CADPS: variants seen among roughly 807,000 people sequenced by gnomAD.
CADPS encodes the protein calcium dependent secretion activator.
A neutral mutation model predicts 167.3 loss-of-function variants in CADPS; 57 were observed. The observed-to-expected ratio is 0.34, with a 90% CI of 0.28 to 0.42. The LOEUF (loss-of-function observed/expected upper bound fraction) is 0.42. Among genes scored for constraint, CADPS ranks in the 20% least tolerant of loss-of-function variants. The probability of loss-of-function intolerance (pLI) is 1.00; values close to 1 mark genes in which losing one functional copy is unlikely to be tolerated. For missense variants in CADPS, 1,414 were observed against 1,738.1 expected (o/e 0.81, Z 3.32); for synonymous variants, 676 against 635.3 (o/e 1.06, Z -0.96).
At chr3:62,523,438 T>C (rs543741133) in intron 13 of CADPS, among the ~76,000 whole-genome samples, 48 of 152,316 alleles carry the variant, frequency 3.2e-4, no homozygotes, top group Non-Finnish European at 5.6e-4. Flanking sequence ...TTTACCTCTT[T>C]AGTGTTGTTA....
rs911721774 is a variant in CADPS at position 62,446,331 on chromosome 3, C to T, written c.3637-534G>A. Among the ~76,000 whole-genome samples the T allele has an allele frequency of 3.3e-5, 5 of 152,126 alleles. No individual in the cohort carries two copies. The highest frequency in any genetic ancestry group is 9.7e-5 in the African/African-American group (4 of 41,432). On this transcript the variant is annotated intron_variant, in intron 26 of 29. Coordinates refer to ENST00000383710, the MANE Select transcript of CADPS (RefSeq NM_003716.4). This position sits in a 1 kb window ranked among gnomAD's most constrained non-coding sequence, Gnocchi z 4.9. ...CCTTTCAAAACTGCCCAAAGGCTGC[C>T]GTTATGTCTCCTGCTTTTACGTGCT...
chr3:62,634,542 G>A (rs951853966), intron 6 of CADPS, among the ~76,000 whole-genome samples: 3 of 152,254 alleles, frequency 2.0e-5, no homozygotes, highest in Middle Eastern at 3.4e-3. Context: ...TGCATTGCTT[G>A]TATTACAGAC....
At chr3:62,810,335 A>C (rs1210678584) in intron 1 of CADPS, among the ~76,000 whole-genome samples, 2 of 152,194 alleles carry the variant, frequency 1.3e-5, no homozygotes, top group Non-Finnish European at 2.9e-5. Flanking sequence ...ATAATCACCC[A>C]ATATAACTAC....
At chr3:62,752,691 C>T (rs1224220340) in intron 3 of CADPS, among the ~76,000 whole-genome samples, 1 of 152,182 alleles carries the variant, frequency 6.6e-6, no homozygotes, top group Non-Finnish European at 1.5e-5. Flanking sequence ...CTGGGCCATG[C>T]TCTGAGGCTG....
intron 1 of CADPS, among the ~76,000 whole-genome samples, chr3:62,771,478 A>G (rs1168995059): frequency 1.3e-5 from 2 of 152,220 alleles, no homozygotes; most frequent in Non-Finnish European, 2.9e-5. Context: ...TAACTGACTT[A>G]TATAGGATTG....
Position 62,433,068 on chromosome 3 carries a change from C to T in CADPS, c.3777+5036G>A, listed in dbSNP as rs774013096. On this transcript the variant is annotated intron_variant, in intron 28 of 29. Coordinates refer to ENST00000383710, the MANE Select transcript of CADPS (RefSeq NM_003716.4). The surrounding 1 kb of genome is among the most constrained non-coding windows in gnomAD (Gnocchi z 4.7). Reference sequence around the variant, plus strand: ...CCTTACAGATATAGCGTCATGTCCTCCTTGTAGCCTATTATTTGGTACTTT... The same window carrying T: ...CCTTACAGATATAGCGTCATGTCCTTCTTGTAGCCTATTATTTGGTACTTT... Among the ~76,000 whole-genome samples the T allele has an allele frequency of 3.0e-4, 46 of 152,124 alleles. No homozygotes were observed. Among genetic ancestry groups the T allele is most frequent in the Non-Finnish European group, 4.0e-4 (27 of 68,030 alleles).
rs1031676351 is a variant in CADPS at position 62,399,700 on chromosome 3, T to C, written c.3883-115A>G. 6 of 754,468 alleles carry C rather than the reference T, an allele frequency of 8.0e-6. No homozygotes were observed. The highest frequency in any genetic ancestry group is 5.2e-5 in the African/African-American group (3 of 57,648). 46.7% of individuals were successfully genotyped at this position (754,468 alleles called of 1,614,324 possible). The stretch of plus-strand genomic sequence containing the variant: ...TGACCTTCAGCTAAATATCACACTT[T>C]ATGCATTGTCAAATAAAAAGCCACT... On this transcript the variant is annotated intron_variant, in intron 29 of 29. Coordinates refer to ENST00000383710, the MANE Select transcript of CADPS (RefSeq NM_003716.4). This position sits in a 1 kb window ranked among gnomAD's most constrained non-coding sequence, Gnocchi z 5.6.
intron 6 of CADPS, among the ~76,000 whole-genome samples, chr3:62,599,598 T>C (rs2148990057): frequency 1.2e-5 from 1 of 81,296 alleles, no homozygotes; most frequent in South Asian, 3.3e-4. Flanking sequence ...AAATATATTA[T>C]ATATTTATTA....
intron 27 of CADPS, 46 bp downstream of exon 27, chr3:62,445,719 A>AAC: frequency 7.3e-7 from 1 of 1,377,238 alleles, no homozygotes; most frequent in Non-Finnish European, 9.9e-7. Flanking sequence ...AATGAAAAAA[A>AAC]AAAAAAACAA....
chr3:62,656,874 G>C (rs879285719), intron 4 of CADPS, among the ~76,000 whole-genome samples: 3 of 152,128 alleles, frequency 2.0e-5, no homozygotes, highest in Non-Finnish European at 4.4e-5. Context: ...CCTTCCACTT[G>C]AACAAGCTTC....
At chr3:62,480,410 GA>G (rs1173862116) in intron 22 of CADPS, among the ~76,000 whole-genome samples, 40 of 152,046 alleles carry the variant, frequency 2.6e-4, no homozygotes, top group Non-Finnish European at 4.6e-4. Context: ...TTCTTTTTTA[GA>G]AGCTTTTTTT....
intron 1 of CADPS, among the ~76,000 whole-genome samples, chr3:62,787,394 C>T (rs1163517662): frequency 6.6e-6 from 1 of 152,094 alleles, no homozygotes; most frequent in African/African-American, 2.4e-5. Context: ...GAAGCATATT[C>T]AAGCATATTT....
chr3:62,403,098 G>A lies in CADPS; in HGVS notation c.3865C>T (p.Leu1289=), dbSNP rs769996828. 1 of 1,602,362 alleles carries A rather than the reference G, an allele frequency of 6.2e-7. No homozygotes were observed. The highest frequency in any genetic ancestry group is 1.3e-5 in the African/African-American group (1 of 74,656). Residue 1289 remains leucine, a synonymous_variant, in exon 29 of 30, where the codon CTA becomes TTA. Transcript: ENST00000383710. ...LQLHIYQLKT[L]IRMVKKTYRD... ...TCTTTTACCTTTACCATCCTAATTAGTGTTTTCAACTGATAAATATGAAGC... is the reference window on the plus strand; with the variant it reads ...TCTTTTACCTTTACCATCCTAATTAATGTTTTCAACTGATAAATATGAAGC...
intron 25 of CADPS, 41 bp downstream of exon 25, chr3:62,466,298 A>G (rs762094463): frequency 4.6e-6 from 6 of 1,307,902 alleles, no homozygotes; most frequent in African/African-American, 1.4e-5. Flanking sequence ...ATAACAAAGC[A>G]GTGTTCACAA....
chr3:62,779,534 C>T (rs2091126277), intron 1 of CADPS: 1 of 535,818 alleles, frequency 1.9e-6, no homozygotes, highest in Non-Finnish European at 3.8e-6. Flanking sequence ...ATGTGGCTGC[C>T]CATTTTGTAT....
chr3:62,794,435 T>C (rs558274672), intron 1 of CADPS, among the ~76,000 whole-genome samples: 1 of 152,280 alleles, frequency 6.6e-6, no homozygotes, highest in East Asian at 1.9e-4. Flanking sequence ...GATGAGGATA[T>C]AAATACACAT....
At chr3:62,770,514 C>T (rs779586208) in intron 1 of CADPS, among the ~76,000 whole-genome samples, 2 of 152,130 alleles carry the variant, frequency 1.3e-5, no homozygotes, top group African/African-American at 2.4e-5. Context: ...CAAACTCCGC[C>T]TCCTAGGTTC....
chr3:62,825,513 C>T (rs956305127), intron 1 of CADPS, among the ~76,000 whole-genome samples: 59 of 152,168 alleles, frequency 3.9e-4, no homozygotes, highest in African/African-American at 1.3e-3. Flanking sequence ...TGAAAACCAC[C>T]GTCTTCTATC....
chr3:62,866,502 C>T (rs1340802776), intron 1 of CADPS, among the ~76,000 whole-genome samples: 2 of 151,798 alleles, frequency 1.3e-5, no homozygotes, highest in Non-Finnish European at 1.5e-5. Context: ...TAAATATAAA[C>T]TACAGGAGGT....
Sources: allele counts gnomAD v4.1 joint callset (sites outside exome capture counted in the v4.1 genomes callset), GRCh38; gene constraint gnomAD v4.1.1; non-coding constraint Gnocchi (gnomAD v3.1); transcripts MANE v1.5; gene names NCBI Gene and HGNC (gene_info 2026-07-23, HGNC 2026-07-21).